Variants in ATXN1 observed in about 807,000 individuals in gnomAD.
The protein encoded by ATXN1 is ataxin-1.
A neutral mutation model predicts 56.4 loss-of-function variants in ATXN1; 8 were observed. The ratio of observed to expected loss-of-function variants is 0.14; its 90% CI spans 0.08 to 0.26. The LOEUF (loss-of-function observed/expected upper bound fraction) is 0.26, where lower values mean the gene tolerates loss of function less well. Among genes scored for constraint, ATXN1 ranks in the 10% least tolerant of loss-of-function variants. ATXN1 has a pLI of 1.00. For synonymous variants in ATXN1, 514 were observed against 494.6 expected, an observed-to-expected ratio of 1.04 and a Z score of -0.52; for missense variants, 987 against 1,106.5, an observed-to-expected ratio of 0.89 and a Z score of 1.53.
chr6:16,379,561 C>T (rs1427615081), intron 6 of ATXN1, among the ~76,000 whole-genome samples: 1 of 152,158 alleles, frequency 6.6e-6, no homozygotes, highest in Non-Finnish European at 1.5e-5. Context: ...GCTATGCAAG[C>T]AGAAAGTAAC....
At chr6:16,524,083 T>C (rs1761345229) in intron 4 of ATXN1, among the ~76,000 whole-genome samples, 1 of 152,184 alleles carries the variant, frequency 6.6e-6, no homozygotes, top group Non-Finnish European at 1.5e-5. Context: ...CCCGCCCTTT[T>C]CATCAGAGGA....
chr6:16,446,541 C>T (rs769795446), intron 6 of ATXN1, among the ~76,000 whole-genome samples: 1 of 152,168 alleles, frequency 6.6e-6, no homozygotes, highest in Non-Finnish European at 1.5e-5. Context: ...GGGAGTGAAG[C>T]CCAGAAAACT....
At chr6:16,738,909 T>C (rs1760231746) in intron 2 of ATXN1, 1 of 152,242 alleles carries the variant, frequency 6.6e-6, no homozygotes, top group Non-Finnish European at 1.5e-5. Flanking sequence ...CTTGAATCAA[T>C]TGCTGTATCC....
intron 2 of ATXN1, among the ~76,000 whole-genome samples, chr6:16,730,441 G>T (rs1199351152): frequency 6.8e-6 from 1 of 146,622 alleles, no homozygotes; most frequent in African/African-American, 2.5e-5. Context: ...TAGGGAAAAA[G>T]ATGTGTGAAC....
At chr6:16,741,007 G>A (rs141774435) in intron 2 of ATXN1, among the ~76,000 whole-genome samples, 1 of 152,292 alleles carries the variant, frequency 6.6e-6, no homozygotes, top group Non-Finnish European at 1.5e-5. Flanking sequence ...CTTCGGAAAC[G>A]CAAATAATTT....
chr6:16,491,589 G>A (rs570419159), intron 5 of ATXN1, among the ~76,000 whole-genome samples: 19 of 152,100 alleles, frequency 1.2e-4, no homozygotes, highest in Admixed American at 2.6e-4. Context: ...GAGCCATGGC[G>A]CCCGGCCTGA....
intron 6 of ATXN1, among the ~76,000 whole-genome samples, chr6:16,343,129 G>A (rs1761293161): frequency 6.6e-6 from 1 of 152,200 alleles, no homozygotes; most frequent in South Asian, 2.1e-4. Context: ...CAGATCACAA[G>A]GTCAGGAGAT....
intron 7 of ATXN1, among the ~76,000 whole-genome samples, chr6:16,307,512 T>TA (rs542289170): frequency 0.049 from 7,003 of 143,284 alleles, 350 homozygotes; most frequent in East Asian, 0.16. Flanking sequence ...CCACTAAAAA[T>TA]AAAAAAAAAA....
rs995293818 is a variant in ATXN1 at position 16,536,202 on chromosome 6, G to C, written c.-360-13514C>G. 3.3e-5 allele frequency among the ~76,000 whole-genome samples: 5 copies of C among 152,056 alleles called. No homozygotes were observed. In the East Asian group the frequency reaches 9.6e-4, roughly 29 times the overall value. On this transcript the variant is annotated intron_variant, in intron 4 of 7. Transcript: ENST00000436367. ...ACTGCACTCCAACCTGGGCGACAGA[G>C]TGAGACCCTGTCTCAACAATAATAA...
At chr6:16,480,474 C>G (rs906501800) in intron 6 of ATXN1, among the ~76,000 whole-genome samples, 1 of 152,104 alleles carries the variant, frequency 6.6e-6, no homozygotes, top group African/African-American at 2.4e-5. Flanking sequence ...TCTTACCCAT[C>G]GTCCCTTTCG....
At chr6:16,383,425 G>A (rs374924287) in intron 6 of ATXN1, among the ~76,000 whole-genome samples, 4 of 152,122 alleles carry the variant, frequency 2.6e-5, no homozygotes, top group Admixed American at 6.5e-5. Context: ...AGTCTTTCAC[G>A]TAATGGGAGA....
chr6:16,419,724 C>T (rs999869555), intron 6 of ATXN1, among the ~76,000 whole-genome samples: 2 of 152,124 alleles, frequency 1.3e-5, no homozygotes, highest in African/African-American at 4.8e-5. Context: ...CATGTGCATG[C>T]TGAGTGGCTG....
intron 6 of ATXN1, among the ~76,000 whole-genome samples, chr6:16,447,551 C>T (rs1034469606): frequency 6.6e-5 from 10 of 152,118 alleles, no homozygotes; most frequent in African/African-American, 1.4e-4. Context: ...AAGGCAGAAT[C>T]GCACTATGTT....
intron 2 of ATXN1, among the ~76,000 whole-genome samples, chr6:16,701,971 T>C (rs1351586155): frequency 6.6e-6 from 1 of 152,048 alleles, no homozygotes; most frequent in Non-Finnish European, 1.5e-5. Context: ...CTTCACAGAA[T>C]TGGAAAAAAC....
intron 2 of ATXN1, among the ~76,000 whole-genome samples, chr6:16,679,539 A>C (rs1395484015): frequency 6.6e-6 from 1 of 152,254 alleles, no homozygotes; most frequent in Non-Finnish European, 1.5e-5. Context: ...CAAAAGTCAT[A>C]TATAGTCAAA....
At position 16,713,534 on chromosome 6, in the gene ATXN1, T is replaced by C. The variant is rs909123592; in HGVS notation, c.-615+39699A>G. ...CTGAACATGAAGAGAGAACCAAATA[T>C]TCCAGACAGGGAAAGAATCTGAGAA... On this transcript the variant is annotated intron_variant, in intron 2 of 7. Transcript: ENST00000436367. Among the ~76,000 whole-genome samples, 4 of 152,186 alleles carry C rather than the reference T, an allele frequency of 2.6e-5. No homozygotes were observed. The South Asian group carries it at 8.3e-4, about 32-fold the overall frequency.
intron 6 of ATXN1, among the ~76,000 whole-genome samples, chr6:16,383,096 C>T (rs185673561): frequency 1.1e-4 from 16 of 152,258 alleles, no homozygotes; most frequent in East Asian, 5.8e-4. Flanking sequence ...CTCCCTACCC[C>T]GCACCATATC....
intron 6 of ATXN1, among the ~76,000 whole-genome samples, chr6:16,362,259 C>G (rs1413328664): frequency 6.6e-6 from 1 of 152,152 alleles, no homozygotes; most frequent in Non-Finnish European, 1.5e-5. Flanking sequence ...GCTTTGGAGA[C>G]CAGGCTCTGA....
At chr6:16,395,301 A>G (rs1427065336) in intron 6 of ATXN1, among the ~76,000 whole-genome samples, 2 of 151,702 alleles carry the variant, frequency 1.3e-5, no homozygotes, top group African/African-American at 4.8e-5. Flanking sequence ...ACAAGAACAA[A>G]AACAAAAACT....
Sources: gnomAD v4.1 joint callset for allele counts (sites outside exome capture counted in the v4.1 genomes callset) on GRCh38, gnomAD v4.1.1 for gene constraint, MANE v1.5 for transcripts, NCBI Gene and HGNC (gene_info 2026-07-23, HGNC 2026-07-21) for gene names.